The following ZSWIM6 variants were observed in gnomAD, a reference collection of about 807,000 sequenced individuals.
The protein encoded by ZSWIM6 is zinc finger SWIM domain-containing protein 6.
A neutral mutation model predicts 113.2 loss-of-function variants in ZSWIM6; 9 were observed. The observed-to-expected ratio is 0.08, with a 90% CI of 0.05 to 0.14. The LOEUF (loss-of-function observed/expected upper bound fraction) is 0.14, where lower values mean the gene tolerates loss of function less well. Ranked by LOEUF, ZSWIM6 falls within the 10% of genes least tolerant of loss-of-function variation. The pLI is 1.00. For missense variants in ZSWIM6, 1,162 were observed against 1,552.2 expected (o/e 0.75, Z 4.22); for synonymous variants, 611 against 606.5 (o/e 1.01, Z -0.11).
rs915098180 is a variant in ZSWIM6, at chr5:61,349,077, C to T, written c.676+16129C>T. Reference sequence around the variant, plus strand: ...CTTTGATGAAGGAAGCATCAGTTGTCTAATCAAATTGAATCAAAATATGGA... The same window carrying T: ...CTTTGATGAAGGAAGCATCAGTTGTTTAATCAAATTGAATCAAAATATGGA... On this transcript the variant is annotated intron_variant, in intron 1 of 13. Transcript: ENST00000252744. Among the ~76,000 whole-genome samples, 37 of 152,044 alleles carry T rather than the reference C, an allele frequency of 2.4e-4. 1 individual carries two copies. The highest frequency in any genetic ancestry group is 1.3e-4 in the Admixed American group (2 of 15,262).
At chr5:61,365,935 A>G (rs1025940547) in intron 1 of ZSWIM6, among the ~76,000 whole-genome samples, 1 of 151,850 alleles carries the variant, frequency 6.6e-6, no homozygotes, top group African/African-American at 2.4e-5. Context: ...CTTTTTTTTT[A>G]AGATGGTCTC....
chr5:61,333,623 C>T (rs1214778795), intron 1 of ZSWIM6, among the ~76,000 whole-genome samples: 2 of 151,566 alleles, frequency 1.3e-5, no homozygotes, highest in Middle Eastern at 3.4e-3. Flanking sequence ...TTTGCGCCTC[C>T]TCAGTCTCCA....
intron 4 of ZSWIM6, among the ~76,000 whole-genome samples, chr5:61,497,793 C>T (rs544506964): frequency 3.9e-5 from 6 of 152,272 alleles, no homozygotes; most frequent in South Asian, 4.1e-4. Flanking sequence ...AGAGGTTGTA[C>T]GTTTGATAGA....
rs573969657 is a variant in ZSWIM6, at chr5:61,374,291, A to G, written c.676+41343A>G. 4.1e-4 allele frequency among the ~76,000 whole-genome samples: 62 copies of G among 152,334 alleles called. 1 individual carries two copies. The South Asian group carries it at 5.2e-3, about 13-fold the overall frequency. On this transcript the variant is annotated intron_variant, in intron 1 of 13. Transcript: ENST00000252744. ...CATTTTAAGAAAACATATGGCCGCCATAGAATTGTTTCTTATTTATATTTA... is the reference window on the plus strand; with the variant it reads ...CATTTTAAGAAAACATATGGCCGCCGTAGAATTGTTTCTTATTTATATTTA...
At chr5:61,531,800 C>T in intron 9 of ZSWIM6, 75 bp downstream of exon 9, 1 of 1,472,818 alleles carries the variant, frequency 6.8e-7, no homozygotes. Flanking sequence ...GTTAAAAGTG[C>T]TATCTGAATG....
intron 1 of ZSWIM6, among the ~76,000 whole-genome samples, chr5:61,385,818 C>G (rs970552300): frequency 6.6e-6 from 1 of 152,172 alleles, no homozygotes; most frequent in Non-Finnish European, 1.5e-5. Context: ...TCCACTGGCT[C>G]TCTTGTCTTT....
intron 1 of ZSWIM6, among the ~76,000 whole-genome samples, chr5:61,387,581 G>A (rs923814891): frequency 1.3e-5 from 2 of 152,080 alleles, no homozygotes; most frequent in African/African-American, 4.8e-5. Context: ...TAGGAGGATT[G>A]CCAACTTGGC....
intron 7 of ZSWIM6, among the ~76,000 whole-genome samples, chr5:61,526,767 G>T (rs1345687684): frequency 6.6e-6 from 1 of 152,238 alleles, no homozygotes; most frequent in Middle Eastern, 3.4e-3. Context: ...TTGAATCCCG[G>T]CAATCCTAAC....
chr5:61,417,380 A>G (rs1038699662), intron 1 of ZSWIM6, among the ~76,000 whole-genome samples: 10 of 152,232 alleles, frequency 6.6e-5, no homozygotes, highest in African/African-American at 2.4e-4. Flanking sequence ...GTTCAGTTTC[A>G]AAGTGGATTT....
At chr5:61,493,705 C>G (rs1318375152) in intron 3 of ZSWIM6, among the ~76,000 whole-genome samples, 1 of 152,110 alleles carries the variant, frequency 6.6e-6, no homozygotes, top group Non-Finnish European at 1.5e-5. Context: ...ACAGCAGCAC[C>G]TTGCTTAAAT....
At chr5:61,535,809 G>T (rs1413259451) in intron 10 of ZSWIM6, among the ~76,000 whole-genome samples, 190 bp downstream of exon 10, 1 of 152,180 alleles carries the variant, frequency 6.6e-6, no homozygotes, top group Non-Finnish European at 1.5e-5. Context: ...TTAAAGTAAG[G>T]GAAGGGTTAT....
chr5:61,391,053 A>G, intron 1 of ZSWIM6: 1 of 740,266 alleles, frequency 1.4e-6, no homozygotes. Context: ...TGTGACAGTA[A>G]CCTTTCTGCC....
chr5:61,532,499 T>C (rs1337326392), intron 9 of ZSWIM6, among the ~76,000 whole-genome samples: 1 of 152,196 alleles, frequency 6.6e-6, no homozygotes, highest in Admixed American at 6.5e-5. Context: ...ATTATGGGAT[T>C]CTCTGTGATT....
At chr5:61,502,522 A>G (rs1748499890) in intron 4 of ZSWIM6, among the ~76,000 whole-genome samples, 2 of 152,178 alleles carry the variant, frequency 1.3e-5, no homozygotes, top group Non-Finnish European at 2.9e-5. Context: ...TTTCATCAAG[A>G]TTGTTCTGGA....
chr5:61,517,370 A>C (rs1748977396), intron 4 of ZSWIM6, among the ~76,000 whole-genome samples: 1 of 151,954 alleles, frequency 6.6e-6, no homozygotes, highest in Non-Finnish European at 1.5e-5. Flanking sequence ...CTTCACATTC[A>C]CTGACTTTTC....
chr5:61,375,139 T>A, intron 1 of ZSWIM6: 2 of 1,611,944 alleles, frequency 1.2e-6, no homozygotes, highest in South Asian at 2.2e-5. Flanking sequence ...TCGGGTGGCC[T>A]ATATGAACCC....
At chr5:61,360,174 A>T (rs1407702488) in intron 1 of ZSWIM6, among the ~76,000 whole-genome samples, 1 of 152,168 alleles carries the variant, frequency 6.6e-6, no homozygotes, top group African/African-American at 2.4e-5. Context: ...ACCACAGATG[A>T]TGATGGAGCC....
At chr5:61,379,799 A>G (rs1030026704) in intron 1 of ZSWIM6, among the ~76,000 whole-genome samples, 13 of 152,172 alleles carry the variant, frequency 8.5e-5, no homozygotes, top group African/African-American at 2.9e-4. Flanking sequence ...TGCTCTGAAC[A>G]TGAAAATGCT....
intron 2 of ZSWIM6, among the ~76,000 whole-genome samples, chr5:61,489,858 C>T (rs1748132138): frequency 6.6e-6 from 1 of 151,922 alleles, no homozygotes; most frequent in Non-Finnish European, 1.5e-5. Context: ...GACTAGTAGG[C>T]CTTGGTTCTA....
Sources: allele counts gnomAD v4.1 joint callset (sites outside exome capture counted in the v4.1 genomes callset), GRCh38; gene constraint gnomAD v4.1.1; transcripts MANE v1.5; gene names NCBI Gene and HGNC (gene_info 2026-07-23, HGNC 2026-07-21).